NR6A1: variants seen among roughly 807,000 people sequenced by gnomAD.
NR6A1 encodes retinoic acid receptor-related testis-associated receptor.
NR6A1 carries 7 observed loss-of-function variants against 59.1 expected under a neutral mutation model. The observed-to-expected ratio is 0.12, with a 90% CI of 0.07 to 0.22. The LOEUF (loss-of-function observed/expected upper bound fraction) is 0.22. Among genes scored for constraint, NR6A1 ranks in the 10% least tolerant of loss-of-function variants. The pLI is 1.00. For missense variants in NR6A1, 468 were observed against 611.6 expected (o/e 0.77, Z 2.48); for synonymous variants, 243 against 236.1 (o/e 1.03, Z -0.27).
At chr9:124,622,073 G>A (rs1259623601) in intron 2 of NR6A1, among the ~76,000 whole-genome samples, 1 of 152,156 alleles carries the variant, frequency 6.6e-6, no homozygotes, top group Middle Eastern at 3.4e-3. Context: ...AAAATTAGCC[G>A]GGCATGGTGG....
chr9:124,682,444 A>G (rs1312917449), intron 2 of NR6A1, among the ~76,000 whole-genome samples: 1 of 152,202 alleles, frequency 6.6e-6, no homozygotes, highest in Non-Finnish European at 1.5e-5. Flanking sequence ...CTTTAACCCA[A>G]ACAGTATATT....
intron 3 of NR6A1, among the ~76,000 whole-genome samples, chr9:124,550,801 G>A (rs970814880): frequency 6.6e-6 from 1 of 152,120 alleles, no homozygotes; most frequent in African/African-American, 2.4e-5. Context: ...CTCCCAAAGT[G>A]CTGGGATTAC....
intron 2 of NR6A1, among the ~76,000 whole-genome samples, chr9:124,728,342 TA>T (rs1256251149): frequency 6.6e-6 from 1 of 151,846 alleles, no homozygotes; most frequent in African/African-American, 2.4e-5. Flanking sequence ...ACTTCATTTT[TA>T]AAGTACTTGC....
At chr9:124,770,999 C>G in intron 1 of NR6A1, 21 bp downstream of exon 1, 1 of 1,201,734 alleles carries the variant, frequency 8.3e-7, no homozygotes, top group Non-Finnish European at 1.0e-6. Flanking sequence ...CTGGCCCGGG[C>G]GTCGCAGGCC....
At chr9:124,523,810 G>T (rs952504891) in intron 9 of NR6A1, among the ~76,000 whole-genome samples, 2 of 152,120 alleles carry the variant, frequency 1.3e-5, no homozygotes, top group South Asian at 4.2e-4. Flanking sequence ...CTTTAAAATC[G>T]TATTGCTTTC....
chr9:124,566,978 G>A (rs973239192), intron 2 of NR6A1, among the ~76,000 whole-genome samples: 5 of 151,102 alleles, frequency 3.3e-5, no homozygotes, highest in Admixed American at 6.6e-5. Context: ...CGTAGTGGCG[G>A]GCGCCTGTAG....
chr9:124,539,987 G>A, intron 5 of NR6A1, 46 bp downstream of exon 5: 9 of 1,511,946 alleles, frequency 6.0e-6, no homozygotes, highest in Non-Finnish European at 7.9e-6. Context: ...TCTCCCTTTG[G>A]TGGGGGATCC....
At chr9:124,612,339 C>T (rs1835772278) in intron 2 of NR6A1, among the ~76,000 whole-genome samples, 1 of 152,080 alleles carries the variant, frequency 6.6e-6, no homozygotes, top group Admixed American at 6.5e-5. Flanking sequence ...TGACCCCGGG[C>T]TCAGATGTGT....
intron 4 of NR6A1, among the ~76,000 whole-genome samples, chr9:124,543,429 T>C (rs543935821): frequency 6.6e-6 from 1 of 152,208 alleles, no homozygotes; most frequent in African/African-American, 2.4e-5. Context: ...GACAATAATA[T>C]TCTGCTGATA....
intron 2 of NR6A1, among the ~76,000 whole-genome samples, chr9:124,564,328 G>C (rs1834170751): frequency 6.6e-6 from 1 of 152,178 alleles, no homozygotes; most frequent in Non-Finnish European, 1.5e-5. Flanking sequence ...GATGGCCTAT[G>C]ATCAGTACTC....
chr9:124,672,881 T>C (rs1445416308), intron 2 of NR6A1, among the ~76,000 whole-genome samples: 5 of 151,902 alleles, frequency 3.3e-5, no homozygotes, highest in South Asian at 2.1e-4. Context: ...TAGTAACCAA[T>C]TGGTTGGAGA....
intron 1 of NR6A1, among the ~76,000 whole-genome samples, chr9:124,764,115 C>G (rs1162200927): frequency 6.6e-6 from 1 of 151,338 alleles, no homozygotes; most frequent in Admixed American, 6.6e-5. Flanking sequence ...ACCCAGGAAG[C>G]TGAGGTTGCA....
chr9:124,678,745 G>C (rs1010230406), intron 2 of NR6A1, among the ~76,000 whole-genome samples: 1 of 152,132 alleles, frequency 6.6e-6, no homozygotes, highest in Non-Finnish European at 1.5e-5. Flanking sequence ...AATATCCCTG[G>C]ACGAGTTACA....
chr9:124,572,742 G>A (rs1394234539), intron 2 of NR6A1, among the ~76,000 whole-genome samples: 2 of 152,158 alleles, frequency 1.3e-5, no homozygotes, highest in Non-Finnish European at 2.9e-5. Flanking sequence ...CTAGAAATTC[G>A]TAAGGGCAAG....
intron 2 of NR6A1, among the ~76,000 whole-genome samples, chr9:124,702,929 C>A (rs1043795819): frequency 6.6e-6 from 1 of 151,418 alleles, no homozygotes; most frequent in Non-Finnish European, 1.5e-5. Flanking sequence ...GAGATGGAGT[C>A]TCACTCTGTC....
intron 2 of NR6A1, among the ~76,000 whole-genome samples, chr9:124,565,001 T>C (rs1834196636): frequency 6.6e-6 from 1 of 152,084 alleles, no homozygotes; most frequent in African/African-American, 2.4e-5. Flanking sequence ...CAATTTGATA[T>C]CTATATGGGA....
At chr9:124,692,420 T>G (rs1396246945) in intron 2 of NR6A1, 1 of 524,300 alleles carries the variant, frequency 1.9e-6, no homozygotes, top group African/African-American at 1.9e-5. Flanking sequence ...CACTGGTTCT[T>G]GGGATGTGGA....
At chr9:124,550,444 T>C (rs1009770831) in intron 3 of NR6A1, among the ~76,000 whole-genome samples, 3 of 149,116 alleles carry the variant, frequency 2.0e-5, no homozygotes, top group African/African-American at 7.4e-5. Context: ...CTTGGCTTAC[T>C]GCAACCTCCG....
chr9:124,560,924 T>C (rs1834068465), intron 2 of NR6A1, among the ~76,000 whole-genome samples: 1 of 152,064 alleles, frequency 6.6e-6, no homozygotes, highest in African/African-American at 2.4e-5. Context: ...TGAACAGACA[T>C]ACACTGCAAT....
Sources: allele counts gnomAD v4.1 joint callset (sites outside exome capture counted in the v4.1 genomes callset), GRCh38; gene constraint gnomAD v4.1.1; transcripts MANE v1.5; gene names NCBI Gene and HGNC (gene_info 2026-07-23, HGNC 2026-07-21).